SCARA5: variants seen among roughly 807,000 people sequenced by gnomAD.
SCARA5 encodes the protein scavenger receptor class A, member 5 (putative).
In SCARA5, 45 loss-of-function variants were observed where a neutral mutation model predicts 46.3. That is an observed-to-expected ratio of 0.97 (90% CI 0.76 to 1.24). SCARA5 has a LOEUF of 1.24. Ranked by LOEUF, SCARA5 falls within the 50% of genes most tolerant of loss-of-function variation. SCARA5 has a pLI of 0.00. For synonymous variants in SCARA5, 333 were observed against 306.5 expected, an observed-to-expected ratio of 1.09 and a Z score of -0.90; for missense variants, 680 against 689.0, an observed-to-expected ratio of 0.99 and a Z score of 0.15.
chr8:27,978,975 C>T (rs1808570540), intron 2 of SCARA5, among the ~76,000 whole-genome samples: 1 of 152,204 alleles, frequency 6.6e-6, no homozygotes, highest in African/African-American at 2.4e-5. Context: ...CACACTCCCA[C>T]TCCTCACTTT....
At chr8:27,926,175 T>G (rs185868422) in intron 3 of SCARA5, among the ~76,000 whole-genome samples, 2 of 152,112 alleles carry the variant, frequency 1.3e-5, no homozygotes, top group African/African-American at 2.4e-5. Context: ...CCACTCACAA[T>G]AGCAAAGACT....
rs994173687 is a variant in SCARA5, at chr8:27,869,962, G to C, written c.*1972C>G. 2.6e-5 allele frequency: 4 copies of C among 152,164 alleles called. No individual in the cohort carries two copies. Among genetic ancestry groups the C allele is most frequent in the Non-Finnish European group, 4.4e-5 (3 of 68,040 alleles). 9.4% of individuals were successfully genotyped at this position (152,164 alleles called of 1,614,324 possible). A position where few individuals can be genotyped will look rare whatever the true frequency, so the allele number is the denominator to read the frequency against. The stretch of plus-strand genomic sequence containing the variant: ...TTTTAGGCCAGGCCTAATTTGCTTT[G>C]GTCCCTGAAATGCAGGCCCATGGTC... On this transcript the variant is annotated 3_prime_UTR_variant, in exon 9 of 9. Transcript: ENST00000354914.
At chr8:27,904,453 C>T in intron 7 of SCARA5, 1 of 501,100 alleles carries the variant, frequency 2.0e-6, no homozygotes, top group South Asian at 4.5e-5. Flanking sequence ...AAGGTAAAGA[C>T]TCCTGTTATC....
chr8:27,985,914 C>T lies in SCARA5; in HGVS notation c.112+1590G>A, dbSNP rs753660646. ...TTCCAGTCGTTCTGGTCCAAATGAG[C>T]TTTTTAAAAAAACAATCTGGGGTTC... On this transcript the variant is annotated intron_variant, in intron 2 of 8. Transcript: ENST00000354914. 7.9e-5 allele frequency among the ~76,000 whole-genome samples: 12 copies of T among 152,288 alleles called. No homozygotes were observed. The Middle Eastern group carries it at 0.01, about 129-fold the overall frequency.
intron 3 of SCARA5, among the ~76,000 whole-genome samples, chr8:27,931,430 G>A (rs1321838051): frequency 6.6e-6 from 1 of 152,080 alleles, no homozygotes; most frequent in Non-Finnish European, 1.5e-5. Context: ...CCCAGAATGG[G>A]GTCCAGCCAC....
chr8:27,931,015 G>A (rs1025468653), intron 3 of SCARA5, among the ~76,000 whole-genome samples: 1 of 152,218 alleles, frequency 6.6e-6, no homozygotes, highest in African/African-American at 2.4e-5. Flanking sequence ...CTTCCTTCAG[G>A]TGGCAGGCAA....
At chr8:27,911,731 A>G (rs1279206300) in intron 4 of SCARA5, among the ~76,000 whole-genome samples, 1 of 152,176 alleles carries the variant, frequency 6.6e-6, no homozygotes, top group African/African-American at 2.4e-5. Flanking sequence ...AAGGAGGACC[A>G]TGAAAAGTGG....
intron 2 of SCARA5, among the ~76,000 whole-genome samples, chr8:27,976,316 T>C (rs889280938): frequency 6.6e-6 from 1 of 152,156 alleles, no homozygotes; most frequent in Non-Finnish European, 1.5e-5. Flanking sequence ...GCGGCATCAA[T>C]GCAGTGAGAC....
chr8:27,879,470 C>T (rs1019787626), intron 8 of SCARA5, 99 bp downstream of exon 8: 6 of 1,193,160 alleles, frequency 5.0e-6, no homozygotes, highest in South Asian at 4.0e-5. Flanking sequence ...CTGGGGACCT[C>T]GCGGAATTGC....
At chr8:27,965,553 G>A (rs1460848775) in intron 3 of SCARA5, among the ~76,000 whole-genome samples, 1 of 152,222 alleles carries the variant, frequency 6.6e-6, no homozygotes, top group Non-Finnish European at 1.5e-5. Context: ...CCTAGGCTGG[G>A]AGCTCCTTGA....
At chr8:27,941,109 AC>A (rs1563532997) in intron 3 of SCARA5, among the ~76,000 whole-genome samples, 1 of 151,808 alleles carries the variant, frequency 6.6e-6, no homozygotes, top group African/African-American at 2.4e-5. Context: ...TAAAAAAAAA[AC>A]CCACAATACG....
rs1051572545 is a variant in SCARA5, at chr8:27,879,574, C to T, written c.1346G>A (p.Gly449Glu). 7 of 1,606,642 alleles carry T rather than the reference C, an allele frequency of 4.4e-6. No individual in the cohort carries two copies. In the African/African-American group the frequency reaches 9.3e-5, roughly 21 times the overall value. The change falls in exon 8 of 9, where the codon GGG (glycine) becomes GAG (glutamate). Residue 449 changes from glycine to glutamate, a missense_variant. This residue lies in a region of SCARA5 where 219 missense variants were observed against 269.5 expected (regional missense o/e 0.81). Transcript: ENST00000354914. ...VEEVYRTARFGQGTGRIWMDD... is the reference protein window; with the variant it reads ...VEEVYRTARFEQGTGRIWMDD... Reference sequence around the variant, plus strand: ...TTGCCCTCAGAGCGCCTTACCTTGCCCGAATCGAGCTGTGCGGTACACCTC... The same window carrying T: ...TTGCCCTCAGAGCGCCTTACCTTGCTCGAATCGAGCTGTGCGGTACACCTC...
intron 3 of SCARA5, among the ~76,000 whole-genome samples, chr8:27,947,943 G>A (rs1808064156): frequency 6.6e-6 from 1 of 152,146 alleles, no homozygotes; most frequent in Admixed American, 6.5e-5. Context: ...CAAATCCATA[G>A]AGACAGAAAG....
intron 1 of SCARA5, among the ~76,000 whole-genome samples, chr8:27,987,962 G>A (rs1808729404): frequency 6.6e-6 from 1 of 152,194 alleles, no homozygotes; most frequent in South Asian, 2.1e-4. Context: ...CACTGGGTGG[G>A]GCCAGGAGGA....
chr8:27,908,425 C>T (rs541571018), intron 5 of SCARA5, among the ~76,000 whole-genome samples: 5 of 152,180 alleles, frequency 3.3e-5, no homozygotes, highest in Non-Finnish European at 7.3e-5. Flanking sequence ...CTGGCCTAAG[C>T]GTGTAGTTAT....
chr8:27,942,733 T>A (rs1303770374), intron 3 of SCARA5, among the ~76,000 whole-genome samples: 2 of 152,114 alleles, frequency 1.3e-5, no homozygotes, highest in African/African-American at 4.8e-5. Flanking sequence ...GGAGTTGGGC[T>A]GCCTTGAGTG....
chr8:27,941,649 C>T (rs1417508005), intron 3 of SCARA5, among the ~76,000 whole-genome samples: 2 of 151,922 alleles, frequency 1.3e-5, no homozygotes, highest in African/African-American at 2.4e-5. Flanking sequence ...CCTGCACCTC[C>T]CCTTCCTACA....
chr8:27,961,216 G>A (rs1350171266), intron 3 of SCARA5, among the ~76,000 whole-genome samples: 1 of 152,264 alleles, frequency 6.6e-6, no homozygotes, highest in East Asian at 1.9e-4. Context: ...GTGAGGCCTA[G>A]TGGGAGGTCT....
intron 2 of SCARA5, among the ~76,000 whole-genome samples, chr8:27,973,604 C>T (rs542013919): frequency 6.6e-6 from 1 of 152,280 alleles, no homozygotes; most frequent in Admixed American, 6.5e-5. Context: ...AGATACTTTA[C>T]TCCTGGTTGA....
Sources: allele counts gnomAD v4.1 joint callset (sites outside exome capture counted in the v4.1 genomes callset), GRCh38; gene constraint gnomAD v4.1.1; regional missense constraint gnomAD v4.1.1; transcripts MANE v1.5; gene names NCBI Gene and HGNC (gene_info 2026-07-23, HGNC 2026-07-21).